The following HIPK3 variants were observed in gnomAD, a reference collection of about 807,000 sequenced individuals.
HIPK3 encodes homeodomain interacting protein kinase 3.
In HIPK3, 47 loss-of-function variants were observed where a neutral mutation model predicts 124.2. That is an observed-to-expected ratio of 0.38 (90% CI 0.30 to 0.48). The LOEUF is 0.48. Ranked by LOEUF, HIPK3 falls within the 20% of genes least tolerant of loss-of-function variation. The pLI, the probability that HIPK3 is intolerant of heterozygous loss-of-function variation, is 0.98. For synonymous variants in HIPK3, 482 were observed against 515.2 expected, an observed-to-expected ratio of 0.94 and a Z score of 0.87; for missense variants, 1,286 against 1,454.3, an observed-to-expected ratio of 0.88 and a Z score of 1.88.
In HIPK3 at chr11:33,263,058, C is replaced by T. The variant is rs1178075683; in HGVS notation, c.-3+5169C>T. 3.3e-5 allele frequency among the ~76,000 whole-genome samples: 5 copies of T among 152,172 alleles called. No individual in the cohort carries two copies. In the East Asian group the frequency reaches 5.8e-4, roughly 18 times the overall value. ...TGAATTTTTTCATTTTTTGTAGAGA[C>T]GGGGTTGTGCTTTGTTGCTCTGGCT... On this transcript the variant is annotated intron_variant, in intron 1 of 16. Coordinates refer to ENST00000303296, the MANE Select transcript of HIPK3 (RefSeq NM_005734.5).
intron 2 of HIPK3, among the ~76,000 whole-genome samples, chr11:33,315,146 T>G (rs777459880): frequency 6.6e-6 from 1 of 152,250 alleles, no homozygotes; most frequent in Non-Finnish European, 1.5e-5. Flanking sequence ...TTTCCACAGA[T>G]ACTTTTTGTG....
At chr11:33,315,019 A>G (rs570095438) in intron 2 of HIPK3, among the ~76,000 whole-genome samples, 1 of 152,354 alleles carries the variant, frequency 6.6e-6, no homozygotes, top group South Asian at 2.1e-4. Flanking sequence ...ACAAATATGT[A>G]GCACTAATAA....
intron 2 of HIPK3, among the ~76,000 whole-genome samples, chr11:33,310,982 G>A (rs1852319049): frequency 6.6e-6 from 1 of 152,154 alleles, no homozygotes; most frequent in African/African-American, 2.4e-5. Flanking sequence ...TGAATTCCAG[G>A]TTTTGTTTTG....
intron 1 of HIPK3, among the ~76,000 whole-genome samples, chr11:33,275,281 G>A (rs984198317): frequency 8.6e-5 from 13 of 151,974 alleles, no homozygotes; most frequent in African/African-American, 3.1e-4. Flanking sequence ...CTCGTGATCC[G>A]CCCGCCTCAG....
chr11:33,305,053 T>A (rs2133932869), intron 2 of HIPK3, among the ~76,000 whole-genome samples: 1 of 152,282 alleles, frequency 6.6e-6, no homozygotes, highest in South Asian at 2.1e-4. Context: ...CAGGCTGGAG[T>A]ACAGTGGCAC....
chr11:33,326,190 A>G (rs1852805884), intron 2 of HIPK3, among the ~76,000 whole-genome samples: 1 of 152,158 alleles, frequency 6.6e-6, no homozygotes, highest in Non-Finnish European at 1.5e-5. Flanking sequence ...CCATTGGTCT[A>G]ACTTCTTGAG....
chr11:33,320,155 T>G (rs1852622297), intron 2 of HIPK3, among the ~76,000 whole-genome samples: 1 of 152,200 alleles, frequency 6.6e-6, no homozygotes, highest in African/African-American at 2.4e-5. Flanking sequence ...GTAGGAAGTT[T>G]CAGATGTAGC....
intron 14 of HIPK3, among the ~76,000 whole-genome samples, chr11:33,350,318 C>T (rs2134001542): frequency 6.6e-6 from 1 of 152,216 alleles, no homozygotes; most frequent in East Asian, 1.9e-4. Context: ...GCGACATGTA[C>T]CACTGCTAAG....
In HIPK3 at chr11:33,259,151, A is replaced by T. The variant is rs537055414; in HGVS notation, c.-3+1262A>T. Among the ~76,000 whole-genome samples the T allele has an allele frequency of 1.5e-4, 23 of 152,314 alleles. No individual in the cohort carries two copies. In the South Asian group the frequency reaches 4.1e-3, roughly 27 times the overall value. On this transcript the variant is annotated intron_variant, in intron 1 of 16. Transcript: ENST00000303296. ...TTCTGAAGTGGGAGTACTTATATTC[A>T]TTCAAACCATCTCAGTTAATTTCAA... is the stretch of plus-strand genomic sequence containing the variant.
intron 1 of HIPK3, among the ~76,000 whole-genome samples, chr11:33,260,324 A>G (rs1850789485): frequency 6.6e-6 from 1 of 152,204 alleles, no homozygotes; most frequent in Non-Finnish European, 1.5e-5. Context: ...GCAGCTATCA[A>G]ATTAATTTTT....
At chr11:33,257,352 C>T (rs1416890502), upstream of HIPK3, 1 of 984,482 alleles carries the variant, frequency 1.0e-6, no homozygotes, top group East Asian at 1.1e-4. Context: ...CCGACGAGCG[C>T]GGAGGAGGGG....
chr11:33,339,676 A>T, intron 6 of HIPK3, 142 bp downstream of exon 6: 1 of 578,150 alleles, frequency 1.7e-6, no homozygotes, highest in Non-Finnish European at 3.0e-6. Flanking sequence ...CCAAGTTCAC[A>T]TACACCAGTA....
At chr11:33,288,431 G>A (rs1368830111) in intron 2 of HIPK3, among the ~76,000 whole-genome samples, 1 of 151,982 alleles carries the variant, frequency 6.6e-6, no homozygotes, top group Non-Finnish European at 1.5e-5. Flanking sequence ...CTCCAGCCTG[G>A]GCCACAAGAG....
chr11:33,312,207 A>G (rs571936098), intron 2 of HIPK3, among the ~76,000 whole-genome samples: 2 of 152,270 alleles, frequency 1.3e-5, no homozygotes, highest in East Asian at 3.9e-4. Context: ...ATAGTTGTTC[A>G]GTATCCTTCC....
At chr11:33,307,779 TGA>T (rs1363599425) in intron 2 of HIPK3, among the ~76,000 whole-genome samples, 2 of 151,730 alleles carry the variant, frequency 1.3e-5, no homozygotes, top group Non-Finnish European at 2.9e-5. Context: ...TGTGTGTGTG[TGA>T]GTGAGACAGT....
intron 1 of HIPK3, among the ~76,000 whole-genome samples, chr11:33,273,854 A>T (rs1851203790): frequency 6.6e-6 from 1 of 152,228 alleles, no homozygotes; most frequent in African/African-American, 2.4e-5. Flanking sequence ...ACTCAAGCTT[A>T]TGCAGTTAAA....
intron 2 of HIPK3, among the ~76,000 whole-genome samples, chr11:33,320,742 A>G (rs1223603210): frequency 1.3e-5 from 2 of 152,230 alleles, no homozygotes; most frequent in Admixed American, 1.3e-4. Flanking sequence ...AGAAACTGAA[A>G]GGACAGAATT....
intron 1 of HIPK3, among the ~76,000 whole-genome samples, chr11:33,272,155 T>C (rs1225403582): frequency 6.6e-6 from 1 of 152,138 alleles, no homozygotes; most frequent in African/African-American, 2.4e-5. Context: ...CCCAGCACTT[T>C]GGGAGGCCGA....
chr11:33,303,712 A>T lies in HIPK3; in HGVS notation c.1097+16201A>T, dbSNP rs551331547. 3.9e-5 allele frequency among the ~76,000 whole-genome samples: 6 copies of T among 152,352 alleles called. 1 individual carries two copies. The South Asian group carries it at 1.0e-3, about 26-fold the overall frequency. ...ATTCAGCACGCTGAATGTTATTAAC[A>T]GCATGTGTGCCACCATGAAAGAGTG... On this transcript the variant is annotated intron_variant, in intron 2 of 16. Coordinates refer to ENST00000303296, the MANE Select transcript of HIPK3 (RefSeq NM_005734.5).
Sources: allele counts gnomAD v4.1 joint callset (sites outside exome capture counted in the v4.1 genomes callset), GRCh38; gene constraint gnomAD v4.1.1; transcripts MANE v1.5; gene names NCBI Gene and HGNC (gene_info 2026-07-23, HGNC 2026-07-21).